SGCD: variants seen among roughly 807,000 people sequenced by gnomAD.
SGCD encodes delta-sarcoglycan.
SGCD carries 18 observed loss-of-function variants against 36.6 expected under a neutral mutation model. The observed-to-expected ratio is 0.49, with a 90% CI of 0.34 to 0.73. The LOEUF (loss-of-function observed/expected upper bound fraction) is 0.73. Ranked by LOEUF, SGCD falls within the 30% of genes least tolerant of loss-of-function variation. SGCD has a pLI of 0.01. For synonymous variants in SGCD, 133 were observed against 130.6 expected, an observed-to-expected ratio of 1.02 and a Z score of -0.12; for missense variants, 387 against 346.7, an observed-to-expected ratio of 1.12 and a Z score of -0.92.
At chr5:155,866,011 G>A (rs1755517194), upstream of SGCD, among the ~76,000 whole-genome samples, 2 of 152,030 alleles carry the variant, frequency 1.3e-5, no homozygotes, top group Non-Finnish European at 2.9e-5. Flanking sequence ...TTTGAAAAAG[G>A]TCAATAGTTC....
chr5:156,165,843 T>TA (rs1763199133), intron 3 of SGCD, among the ~76,000 whole-genome samples: 1 of 152,252 alleles, frequency 6.6e-6, no homozygotes, highest in Non-Finnish European at 1.5e-5. Context: ...TAGTGATATA[T>TA]ATTCTTCAGA....
At chr5:156,402,505 C>T (rs1772208395) in intron 3 of SGCD, among the ~76,000 whole-genome samples, 1 of 152,174 alleles carries the variant, frequency 6.6e-6, no homozygotes, top group African/African-American at 2.4e-5. Context: ...ACTGGGGAAA[C>T]TCCCTTTATA....
At chr5:156,158,154 A>C (rs1763007441) in intron 3 of SGCD, among the ~76,000 whole-genome samples, 1 of 151,366 alleles carries the variant, frequency 6.6e-6, no homozygotes, top group African/African-American at 2.5e-5. Context: ...AACTAAAGCT[A>C]CTGATCATGA....
chr5:155,977,858 G>A (rs1758148932), intron 1 of SGCD, among the ~76,000 whole-genome samples: 1 of 152,164 alleles, frequency 6.6e-6, no homozygotes, highest in East Asian at 1.9e-4. Context: ...TACTTTGGGA[G>A]GCCGAGGTGG....
intron 3 of SGCD, among the ~76,000 whole-genome samples, chr5:156,141,876 A>C (rs920761946): frequency 2.0e-5 from 3 of 152,198 alleles, no homozygotes; most frequent in Non-Finnish European, 2.9e-5. Context: ...CTAGTATCAA[A>C]CTTTTTATCA....
rs76660791 is a variant in SGCD, at chr5:156,433,213, A to G, written c.193-75388A>G. ...AAGAACCACTCACTCTGCTCTAATC[A>G]TTCTCTCTCTGTTCTCGCTGTCATC... On this transcript the variant is annotated intron_variant, in intron 3 of 8. Coordinates refer to ENST00000337851, the MANE Select transcript of SGCD (RefSeq NM_000337.6). 5.4e-3 allele frequency among the ~76,000 whole-genome samples: 824 copies of G among 152,268 alleles called. 6 individuals are homozygous for G. The highest frequency in any genetic ancestry group is 0.019 in the African/African-American group (775 of 41,556).
upstream of SGCD, among the ~76,000 whole-genome samples, chr5:155,868,901 A>G (rs919983792): frequency 1.9e-4 from 29 of 152,332 alleles, no homozygotes; most frequent in African/African-American, 6.5e-4. Flanking sequence ...CTTCCCTGAA[A>G]TAGCAAGAAA....
intron 1 of SGCD, among the ~76,000 whole-genome samples, chr5:156,094,575 C>G (rs1761330982): frequency 6.6e-6 from 1 of 152,180 alleles, no homozygotes; most frequent in South Asian, 2.1e-4. Flanking sequence ...AATTCATTAT[C>G]ATCTTCATGG....
At chr5:156,718,545 C>T (rs563261834) in intron 7 of SGCD, among the ~76,000 whole-genome samples, 6 of 151,940 alleles carry the variant, frequency 3.9e-5, no homozygotes, top group African/African-American at 9.7e-5. Context: ...TTTGGGAGGC[C>T]GAGGTGGGTG....
the SGCD span, among the ~76,000 whole-genome samples, chr5:155,809,805 T>C: frequency 1.3e-5 from 2 of 152,264 alleles, no homozygotes; most frequent in South Asian, 4.1e-4. Context: ...CAACAGATAT[T>C]TACAATTACT....
chr5:155,995,666 A>G (rs1758526172), intron 1 of SGCD, among the ~76,000 whole-genome samples: 2 of 152,220 alleles, frequency 1.3e-5, no homozygotes, highest in Non-Finnish European at 2.9e-5. Flanking sequence ...AAAGGATACA[A>G]TCCTAATACT....
Position 156,624,903 on chromosome 5 carries a change from A to G in SGCD, c.503-22561A>G, listed in dbSNP as rs550728147. Among the ~76,000 whole-genome samples the G allele has an allele frequency of 1.2e-4, 19 of 152,332 alleles. No homozygotes were observed. The South Asian group carries it at 3.3e-3, about 27-fold the overall frequency. ...AGCTGACACATCCTAGAGAACTGAC[A>G]TGTGATCACATCTGCATGGTAGCAT... On this transcript the variant is annotated intron_variant, in intron 6 of 8. Transcript: ENST00000337851.
chr5:156,452,544 C>T (rs1754066403), intron 3 of SGCD, among the ~76,000 whole-genome samples: 1 of 152,152 alleles, frequency 6.6e-6, no homozygotes, highest in Admixed American at 6.5e-5. Context: ...AATATTTCTT[C>T]TTAGGTAACC....
At chr5:155,765,021 G>T in the SGCD span, among the ~76,000 whole-genome samples, 3 of 152,230 alleles carry the variant, frequency 2.0e-5, no homozygotes, top group South Asian at 6.2e-4. Context: ...TAAGATGCGT[G>T]TAATCTCAGT....
intron 3 of SGCD, among the ~76,000 whole-genome samples, chr5:156,201,960 A>G (rs1317644699): frequency 6.6e-6 from 1 of 152,172 alleles, no homozygotes; most frequent in Non-Finnish European, 1.5e-5. Context: ...CAGCTCCCTG[A>G]GTGGTCCTGA....
At chr5:155,886,511 CGTGT>C (rs1215610850) in intron 1 of SGCD, among the ~76,000 whole-genome samples, 1 of 149,692 alleles carries the variant, frequency 6.7e-6, no homozygotes, top group Admixed American at 6.6e-5. Flanking sequence ...CGCGCGCGTG[CGTGT>C]GTGTGTGCGT....
chr5:155,948,240 G>A (rs1581006957), intron 1 of SGCD, among the ~76,000 whole-genome samples: 2 of 152,158 alleles, frequency 1.3e-5, no homozygotes, highest in South Asian at 2.1e-4. Context: ...TGGTGCCACC[G>A]CACTCCAGCC....
chr5:156,436,650 G>A (rs544545938), intron 3 of SGCD, among the ~76,000 whole-genome samples: 5 of 152,310 alleles, frequency 3.3e-5, no homozygotes, highest in South Asian at 4.1e-4. Context: ...CCACATTTCC[G>A]TGTGAGTCCA....
the SGCD span, among the ~76,000 whole-genome samples, chr5:155,859,466 C>T: frequency 0.019 from 2,937 of 152,232 alleles, 56 homozygotes; most frequent in East Asian, 0.12. Flanking sequence ...AATCCTGTAA[C>T]TATGACTTTT....
Sources: allele counts gnomAD v4.1 joint callset (sites outside exome capture counted in the v4.1 genomes callset), GRCh38; gene constraint gnomAD v4.1.1; transcripts MANE v1.5; gene names NCBI Gene and HGNC (gene_info 2026-07-23, HGNC 2026-07-21).